The following ZBTB7C variants were observed in gnomAD, a reference collection of about 807,000 sequenced individuals.
ZBTB7C encodes zinc finger and BTB domain-containing protein 7C.
Under a neutral mutation model 25.7 loss-of-function variants are expected in ZBTB7C, and 8 were observed. The ratio of observed to expected loss-of-function variants is 0.31; its 90% CI spans 0.18 to 0.56. The LOEUF (loss-of-function observed/expected upper bound fraction) is 0.56, where lower values mean the gene tolerates loss of function less well. ZBTB7C is among the 20% of genes least tolerant of loss of function. The pLI is 0.91. For synonymous variants in ZBTB7C, 394 were observed against 369.0 expected (o/e 1.07, Z -0.78); for missense variants, 824 against 855.2 (o/e 0.96, Z 0.46).
intron 3 of ZBTB7C, among the ~76,000 whole-genome samples, chr18:48,163,260 A>G (rs116754228): frequency 0.04 from 6,091 of 152,306 alleles, 135 homozygotes; most frequent in Middle Eastern, 0.086. Context: ...GTGGCTGGGC[A>G]TGAGCATGGC....
intron 2 of ZBTB7C, among the ~76,000 whole-genome samples, chr18:48,289,901 C>A (rs945721360): frequency 3.3e-5 from 5 of 152,092 alleles, no homozygotes; most frequent in Non-Finnish European, 5.9e-5. Flanking sequence ...ACAGATACAA[C>A]GTGGATTCTC....
Position 48,170,961 on chromosome 18 carries a change from C to T in ZBTB7C, c.-17+14973G>A, listed in dbSNP as rs1599023102. On this transcript the variant is annotated intron_variant, in intron 3 of 4. Coordinates refer to ENST00000590800, the MANE Select transcript of ZBTB7C (RefSeq NM_001318841.2). The stretch of plus-strand genomic sequence containing the variant: ...GGGCAGGGACCCTTCACTTTCTGAT[C>T]CCACAAGGAGCTGTGCCCTGGGTTC... 2.0e-5 allele frequency among the ~76,000 whole-genome samples: 3 copies of T among 152,224 alleles called. No individual in the cohort carries two copies. The Middle Eastern group carries it at 0.01, about 521-fold the overall frequency.
chr18:48,179,983 C>G (rs1007526284), intron 3 of ZBTB7C, among the ~76,000 whole-genome samples: 6 of 143,968 alleles, frequency 4.2e-5, no homozygotes, highest in Admixed American at 4.1e-4. Context: ...CCTTCCCTCC[C>G]TCCCTTCCTT....
intron 2 of ZBTB7C, among the ~76,000 whole-genome samples, chr18:48,330,594 C>T (rs1488213644): frequency 6.6e-6 from 1 of 151,826 alleles, no homozygotes; most frequent in Non-Finnish European, 1.5e-5. Flanking sequence ...AACATTTCCA[C>T]ATGAAGGCTT....
chr18:48,300,828 T>G (rs1306444843), intron 2 of ZBTB7C, among the ~76,000 whole-genome samples: 4 of 152,364 alleles, frequency 2.6e-5, no homozygotes, highest in Admixed American at 2.6e-4. Flanking sequence ...AGAAGGACAC[T>G]GCCAGGGCAG....
chr18:48,394,635 G>A lies in ZBTB7C; in HGVS notation c.-304+14591C>T, dbSNP rs553278274. Reference sequence around the variant, plus strand: ...TATTAAATCTTTGCTTAGAAGTAGGGTAACGTCAGGGGTTTGTGTGTGTCT... The same window carrying A: ...TATTAAATCTTTGCTTAGAAGTAGGATAACGTCAGGGGTTTGTGTGTGTCT... On this transcript the variant is annotated intron_variant, in intron 1 of 4. Coordinates refer to ENST00000590800, the MANE Select transcript of ZBTB7C (RefSeq NM_001318841.2). Among the ~76,000 whole-genome samples, 16 of 152,274 alleles carry A rather than the reference G, an allele frequency of 1.1e-4. No homozygotes were observed. The East Asian group carries it at 3.1e-3, about 29-fold the overall frequency.
chr18:48,205,931 T>C (rs998850817), intron 2 of ZBTB7C, among the ~76,000 whole-genome samples: 1 of 152,130 alleles, frequency 6.6e-6, no homozygotes, highest in Non-Finnish European at 1.5e-5. Flanking sequence ...ACAATTAAAA[T>C]GAGTGCTTAC....
Position 48,042,937 on chromosome 18 carries a change from CCAAA to C in ZBTB7C, c.-16-1818_-16-1815del, listed in dbSNP as rs540236379. On this transcript the variant is annotated intron_variant, in intron 3 of 4. Transcript: ENST00000590800. ...CAATAAAAATGTACAGCAAGATTCACCAAACAGAGTATACAGATGGCAGATAAGC... is the reference window on the plus strand; with the variant it reads ...CAATAAAAATGTACAGCAAGATTCACCAGAGTATACAGATGGCAGATAAGC... Among the ~76,000 whole-genome samples, 34 of 152,252 alleles carry C rather than the reference CCAAA, an allele frequency of 2.2e-4. No homozygotes were observed. In the South Asian group the frequency reaches 5.0e-3, roughly 22 times the overall value.
intron 2 of ZBTB7C, among the ~76,000 whole-genome samples, chr18:48,306,906 T>C (rs1327944890): frequency 2.6e-5 from 4 of 152,196 alleles, no homozygotes; most frequent in Admixed American, 2.6e-4. Context: ...ATCGGAATTC[T>C]CTGAGGCACA....
intron 1 of ZBTB7C, among the ~76,000 whole-genome samples, chr18:48,345,410 G>A (rs891023268): frequency 6.6e-6 from 1 of 152,098 alleles, no homozygotes; most frequent in Non-Finnish European, 1.5e-5. Flanking sequence ...TCTGACATGC[G>A]TAGAGGTGGA....
chr18:48,140,510 G>A (rs559903615), intron 3 of ZBTB7C, among the ~76,000 whole-genome samples: 1 of 151,770 alleles, frequency 6.6e-6, no homozygotes, highest in Non-Finnish European at 1.5e-5. Flanking sequence ...GTGACTCAAG[G>A]CAACCTGGGG....
At chr18:48,411,778 A>G (rs2048385151), upstream of ZBTB7C, among the ~76,000 whole-genome samples, 1 of 152,232 alleles carries the variant, frequency 6.6e-6, no homozygotes, top group African/African-American at 2.4e-5. Flanking sequence ...AGTAAATAGT[A>G]AATAGACTCT....
At chr18:48,124,764 T>C (rs965774507) in intron 3 of ZBTB7C, among the ~76,000 whole-genome samples, 14 of 151,982 alleles carry the variant, frequency 9.2e-5, no homozygotes, top group African/African-American at 2.7e-4. Context: ...GGAGCAGGGG[T>C]GGGTGAGAAA....
chr18:48,408,911 T>A (rs1419981176), intron 1 of ZBTB7C, among the ~76,000 whole-genome samples: 1 of 150,348 alleles, frequency 6.7e-6, no homozygotes, highest in Non-Finnish European at 1.5e-5. Context: ...CCGCTGGCTC[T>A]CCCCTCCCTC....
intron 3 of ZBTB7C, among the ~76,000 whole-genome samples, chr18:48,177,612 G>A (rs952500622): frequency 1.3e-5 from 2 of 152,118 alleles, no homozygotes; most frequent in Non-Finnish European, 2.9e-5. Flanking sequence ...TCTGTGAGCT[G>A]TGGACTTTCT....
chr18:48,120,068 G>A (rs2039577975), intron 3 of ZBTB7C, among the ~76,000 whole-genome samples: 1 of 152,166 alleles, frequency 6.6e-6, no homozygotes, highest in Non-Finnish European at 1.5e-5. Context: ...ATTTCCAGGT[G>A]GGGCCCAAGC....
chr18:48,160,050 G>A (rs1282235932), intron 3 of ZBTB7C, among the ~76,000 whole-genome samples: 1 of 152,232 alleles, frequency 6.6e-6, no homozygotes, highest in African/African-American at 2.4e-5. Flanking sequence ...GCTCTGATCT[G>A]GAGTTGCCAA....
intron 3 of ZBTB7C, among the ~76,000 whole-genome samples, chr18:48,181,682 G>A (rs185156629): frequency 2.0e-4 from 30 of 152,176 alleles, no homozygotes; most frequent in Admixed American, 3.3e-4. Context: ...CTAGGACCTC[G>A]TCCACCTTCT....
intron 3 of ZBTB7C, among the ~76,000 whole-genome samples, chr18:48,111,026 C>T (rs1424777472): frequency 1.3e-5 from 2 of 152,166 alleles, no homozygotes; most frequent in Non-Finnish European, 2.9e-5. Context: ...GGCCAAGGAC[C>T]GCCTGGACTG....
Sources: gnomAD v4.1 joint callset for allele counts (sites outside exome capture counted in the v4.1 genomes callset) on GRCh38, gnomAD v4.1.1 for gene constraint, MANE v1.5 for transcripts, NCBI Gene and HGNC (gene_info 2026-07-23, HGNC 2026-07-21) for gene names.